Variants in CNTNAP5 observed in about 807,000 individuals in gnomAD.
The protein encoded by CNTNAP5 is contactin associated protein family member 5.
Under a neutral mutation model 150.2 loss-of-function variants are expected in CNTNAP5, and 72 were observed. The ratio of observed to expected loss-of-function variants is 0.48; its 90% CI spans 0.40 to 0.58. The LOEUF is 0.58. Among genes scored for constraint, CNTNAP5 ranks in the 20% least tolerant of loss-of-function variants. CNTNAP5 has a pLI of 0.00. For synonymous variants in CNTNAP5, 672 were observed against 619.8 expected (o/e 1.08, Z -1.25); for missense variants, 1,636 against 1,626.2 (o/e 1.01, Z -0.10).
chr2:124,183,681 T>A (rs1375959817), intron 1 of CNTNAP5, among the ~76,000 whole-genome samples: 1 of 152,202 alleles, frequency 6.6e-6, no homozygotes, highest in South Asian at 2.1e-4. Context: ...AATGTTTACT[T>A]TAGAAAAGGT....
chr2:124,831,727 A>G (rs531797295), intron 19 of CNTNAP5, among the ~76,000 whole-genome samples: 30 of 151,294 alleles, frequency 2.0e-4, no homozygotes, highest in Non-Finnish European at 4.1e-4. Context: ...TGACCCAAGT[A>G]TTGAATGATT....
chr2:124,155,088 T>G (rs1428148294), intron 1 of CNTNAP5, among the ~76,000 whole-genome samples: 37 of 151,264 alleles, frequency 2.4e-4, no homozygotes, highest in Admixed American at 1.6e-3. Flanking sequence ...TTTTTTTTTT[T>G]TTTTTTTTTT....
At chr2:124,093,864 C>A (rs1255782334) in intron 1 of CNTNAP5, among the ~76,000 whole-genome samples, 2 of 152,142 alleles carry the variant, frequency 1.3e-5, no homozygotes, top group African/African-American at 4.8e-5. Flanking sequence ...TTAATGATAT[C>A]GCAGCCTCAG....
chr2:124,755,512 T>C (rs1275059641), intron 14 of CNTNAP5, among the ~76,000 whole-genome samples: 5 of 152,142 alleles, frequency 3.3e-5, no homozygotes, highest in Non-Finnish European at 7.3e-5. Flanking sequence ...CTTGGCCAAG[T>C]ATGTCTGAAG....
chr2:124,858,050 T>C (rs1214170517), intron 19 of CNTNAP5, among the ~76,000 whole-genome samples: 1 of 152,160 alleles, frequency 6.6e-6, no homozygotes, highest in Non-Finnish European at 1.5e-5. Flanking sequence ...TGATGGGACA[T>C]ATCTCAAAAT....
intron 2 of CNTNAP5, among the ~76,000 whole-genome samples, chr2:124,226,398 C>A (rs1366993827): frequency 1.3e-5 from 2 of 151,920 alleles, no homozygotes; most frequent in Admixed American, 6.6e-5. Context: ...CATTTGTATG[C>A]CTTGTTTGGA....
chr2:124,213,289 C>T (rs1369015497), intron 1 of CNTNAP5, among the ~76,000 whole-genome samples: 1 of 152,150 alleles, frequency 6.6e-6, no homozygotes. Context: ...CTGGGTACTA[C>T]TTGGCTCTCT....
At chr2:124,243,336 T>C (rs1042558356) in intron 3 of CNTNAP5, among the ~76,000 whole-genome samples, 5 of 152,184 alleles carry the variant, frequency 3.3e-5, no homozygotes, top group South Asian at 4.1e-4. Context: ...ATTAGTGTTG[T>C]CTTCACATTC....
chr2:124,692,856 A>G (rs1008615638), intron 13 of CNTNAP5, among the ~76,000 whole-genome samples: 2 of 152,224 alleles, frequency 1.3e-5, no homozygotes, highest in African/African-American at 4.8e-5. Context: ...ATGAGCGCCA[A>G]TGGTCTCTGG....
At chr2:124,037,418 T>G (rs1411644130) in intron 1 of CNTNAP5, among the ~76,000 whole-genome samples, 1 of 152,226 alleles carries the variant, frequency 6.6e-6, no homozygotes, top group East Asian at 1.9e-4. Context: ...AATAGTCAAG[T>G]CATGAAACTA....
At chr2:124,910,087 T>C (rs1418490023) in intron 22 of CNTNAP5, among the ~76,000 whole-genome samples, 1 of 151,220 alleles carries the variant, frequency 6.6e-6, no homozygotes, top group South Asian at 2.1e-4. Context: ...ATTTCAAGAG[T>C]CCTAGGAAAA....
intron 1 of CNTNAP5, among the ~76,000 whole-genome samples, chr2:124,140,052 C>T (rs1406288109): frequency 6.6e-6 from 1 of 152,076 alleles, no homozygotes; most frequent in Non-Finnish European, 1.5e-5. Flanking sequence ...AATCGGGTCA[C>T]TCCCACCCGA....
intron 3 of CNTNAP5, among the ~76,000 whole-genome samples, chr2:124,335,464 A>T (rs1689447596): frequency 6.6e-6 from 1 of 151,722 alleles, no homozygotes; most frequent in Non-Finnish European, 1.5e-5. Flanking sequence ...TCAGGATATA[A>T]GATGAAAAGA....
At chr2:124,286,789 A>C (rs1467846923) in intron 3 of CNTNAP5, among the ~76,000 whole-genome samples, 1 of 152,132 alleles carries the variant, frequency 6.6e-6, no homozygotes, top group African/African-American at 2.4e-5. Flanking sequence ...CAGGGTTTGC[A>C]CTGTGTTTTC....
chr2:124,220,508 CA>C (rs1416200883), intron 1 of CNTNAP5, among the ~76,000 whole-genome samples: 1 of 152,066 alleles, frequency 6.6e-6, no homozygotes. Flanking sequence ...ATGGAAAATA[CA>C]AACAGATAAG....
intron 7 of CNTNAP5, among the ~76,000 whole-genome samples, chr2:124,475,827 T>C (rs1693626811): frequency 1.3e-5 from 2 of 152,136 alleles, no homozygotes; most frequent in South Asian, 4.1e-4. Context: ...GGTCATGTTT[T>C]TTAATTCATG....
intron 11 of CNTNAP5, among the ~76,000 whole-genome samples, chr2:124,588,179 T>TC (rs1309130310): frequency 1.0e-4 from 10 of 95,910 alleles, no homozygotes; most frequent in East Asian, 2.5e-4. Flanking sequence ...CTTCCTTCCT[T>TC]CTTTCTTTCT....
intron 11 of CNTNAP5, among the ~76,000 whole-genome samples, chr2:124,575,580 C>A (rs1179832755): frequency 6.6e-6 from 1 of 152,130 alleles, no homozygotes; most frequent in African/African-American, 2.4e-5. Context: ...CTGGAATGTT[C>A]TTCCTGACTT....
chr2:124,367,349 A>G (rs1306365229), intron 3 of CNTNAP5, among the ~76,000 whole-genome samples: 1 of 152,276 alleles, frequency 6.6e-6, no homozygotes, highest in Admixed American at 6.5e-5. Context: ...GAAACTTACA[A>G]TTATGGTGGA....
Sources: gnomAD v4.1 joint callset for allele counts (sites outside exome capture counted in the v4.1 genomes callset) on GRCh38, gnomAD v4.1.1 for gene constraint, MANE v1.5 for transcripts, NCBI Gene and HGNC (gene_info 2026-07-23, HGNC 2026-07-21) for gene names.